The following IFT52 variants were observed in gnomAD, a reference collection of about 807,000 sequenced individuals.
IFT52 encodes intraflagellar transport protein 52 homolog.
In IFT52, 44 loss-of-function variants were observed where a neutral mutation model predicts 54.4. The ratio of observed to expected loss-of-function variants is 0.81; its 90% CI spans 0.63 to 1.04. The LOEUF is 1.04. IFT52 is among the 50% of genes least tolerant of loss of function. The pLI, the probability that IFT52 is intolerant of heterozygous loss-of-function variation, is 0.00. For synonymous variants in IFT52, 181 were observed against 185.3 expected (o/e 0.98, Z 0.19); for missense variants, 452 against 523.6 (o/e 0.86, Z 1.33).
intron 6 of IFT52, among the ~76,000 whole-genome samples, chr20:43,612,539 A>G (rs934516265): frequency 6.6e-6 from 1 of 152,064 alleles, no homozygotes; most frequent in African/African-American, 2.4e-5. Context: ...CAAAAAATAT[A>G]AAAATTAGTA....
In IFT52 at chr20:43,647,053, C is replaced by A; in HGVS notation, c.*70C>A. The A allele has an allele frequency of 7.4e-7, 1 of 1,356,604 alleles. No homozygotes were observed. The highest frequency in any genetic ancestry group is 1.1e-6 in the Non-Finnish European group (1 of 946,706). The allele number at this position is 1,356,604 out of a possible 1,614,324, so 84.0% of individuals were successfully genotyped here. ...TGTAAACTATTTTCAAATTGTTTTT[C>A]AACTCCTTATCAAAATTGTTTATAC... On this transcript the variant is annotated 3_prime_UTR_variant, in exon 14 of 14. Transcript: ENST00000373030.
chr20:43,611,078 G>C (rs1983409081), intron 6 of IFT52, among the ~76,000 whole-genome samples: 1 of 152,206 alleles, frequency 6.6e-6, no homozygotes, highest in Non-Finnish European at 1.5e-5. Context: ...AATATGTCTA[G>C]TTGTTCCTTT....
chr20:43,636,982 T>C (rs1011465239), intron 11 of IFT52, among the ~76,000 whole-genome samples, 163 bp from the exon 12 acceptor site: 1 of 152,194 alleles, frequency 6.6e-6, no homozygotes, highest in African/African-American at 2.4e-5. Context: ...GGGGTTTCCA[T>C]GTGGTGTGGT....
chr20:43,643,487 A>G lies in IFT52; in HGVS notation c.1266+863A>G, dbSNP rs1214360839. Among the ~76,000 whole-genome samples the G allele has an allele frequency of 1.1e-4, 6 of 56,536 alleles. 3 individuals carry two copies. The highest frequency in any genetic ancestry group is 2.5e-4 in the Non-Finnish European group (6 of 23,736). The allele number at this position is 56,536 out of a possible 152,430, so 37.1% of individuals were successfully genotyped here. Reference sequence around the variant, plus strand: ...GGTAAGAGAGTGAGACTCTGTCTCAAAAAAAAAACAAAAAAATAGAGCTGG... The same window carrying G: ...GGTAAGAGAGTGAGACTCTGTCTCAGAAAAAAAACAAAAAAATAGAGCTGG... On this transcript the variant is annotated intron_variant, in intron 13 of 13. Coordinates refer to ENST00000373030, the MANE Select transcript of IFT52 (RefSeq NM_016004.5).
At chr20:43,612,284 G>A (rs1180173396) in intron 6 of IFT52, among the ~76,000 whole-genome samples, 3 of 152,098 alleles carry the variant, frequency 2.0e-5, no homozygotes, top group Non-Finnish European at 2.9e-5. Flanking sequence ...TACTGCTGGA[G>A]TAAGGGTAGA....
intron 12 of IFT52, among the ~76,000 whole-genome samples, chr20:43,641,536 C>T (rs1281362027): frequency 1.3e-5 from 2 of 151,788 alleles, no homozygotes; most frequent in Non-Finnish European, 2.9e-5. Context: ...CCACGTCCCC[C>T]AGGCTGGAGT....
intron 12 of IFT52, 96 bp downstream of exon 12, chr20:43,637,349 G>GTC: frequency 3.4e-6 from 2 of 592,178 alleles, no homozygotes; most frequent in Non-Finnish European, 5.8e-6. Flanking sequence ...TGCAACCTCT[G>GTC]TCTCCCAGGT....
intron 10 of IFT52, among the ~76,000 whole-genome samples, chr20:43,629,122 G>A (rs1002114877): frequency 1.3e-5 from 2 of 152,152 alleles, no homozygotes; most frequent in African/African-American, 4.8e-5. Flanking sequence ...TAAAGAGGAA[G>A]GGGCAATATC....
rs1447834298 is a variant in IFT52, at chr20:43,598,226, A to G, written c.207+1704A>G. 2.0e-5 allele frequency among the ~76,000 whole-genome samples: 3 copies of G among 152,328 alleles called. No homozygotes were observed. In the East Asian group the frequency reaches 5.8e-4, roughly 29 times the overall value. Reference sequence around the variant, plus strand: ...ACTGTATGATTTCACTTATGCAAGCATGAGGTACGTAGAGTAGTCGAATTC... The same window carrying G: ...ACTGTATGATTTCACTTATGCAAGCGTGAGGTACGTAGAGTAGTCGAATTC... On this transcript the variant is annotated intron_variant, in intron 3 of 13. Coordinates refer to ENST00000373030, the MANE Select transcript of IFT52 (RefSeq NM_016004.5).
intron 12 of IFT52, among the ~76,000 whole-genome samples, chr20:43,640,192 C>T (rs193038855): frequency 6.6e-5 from 10 of 152,134 alleles, no homozygotes; most frequent in African/African-American, 1.9e-4. Flanking sequence ...CGCAGTGGCT[C>T]ATGCCTGTAA....
At chr20:43,628,678 C>G (rs1984928549) in intron 10 of IFT52, among the ~76,000 whole-genome samples, 1 of 152,136 alleles carries the variant, frequency 6.6e-6, no homozygotes, top group South Asian at 2.1e-4. Context: ...TGGTGAAACC[C>G]TGTCTCTACT....
rs199705726 is a variant in IFT52, at chr20:43,622,767, A to ATTT, written c.769-1122_769-1121insTTT. On this transcript the variant is annotated intron_variant, in intron 9 of 13. Transcript: ENST00000373030. ...TTTATGTAAATATAAATATATACAA[A>ATTT]TTGTGTGTAAATATAAATATATACA... Among the ~76,000 whole-genome samples the ATTT allele has an allele frequency of 1.1e-3, 134 of 120,706 alleles. 2 individuals are homozygous for ATTT. Among genetic ancestry groups the ATTT allele is most frequent in the African/African-American group, 2.9e-3 (89 of 30,734 alleles). 79.2% of individuals were successfully genotyped at this position (120,706 alleles called of 152,430 possible).
intron 11 of IFT52, among the ~76,000 whole-genome samples, chr20:43,636,647 C>G (rs1985558448): frequency 6.6e-6 from 1 of 152,210 alleles, no homozygotes; most frequent in Non-Finnish European, 1.5e-5. Context: ...CAAAATGTGA[C>G]TCCAGGTTCA....
intron 3 of IFT52, among the ~76,000 whole-genome samples, chr20:43,600,931 A>G (rs1982393148): frequency 6.6e-6 from 1 of 152,132 alleles, no homozygotes; most frequent in Non-Finnish European, 1.5e-5. Flanking sequence ...AGATCGAGCC[A>G]CTGCAGCATG....
chr20:43,629,417 C>T (rs574980805), intron 10 of IFT52, among the ~76,000 whole-genome samples: 42 of 152,252 alleles, frequency 2.8e-4, no homozygotes, highest in African/African-American at 1.0e-3. Flanking sequence ...GGACAACAGG[C>T]GCCTGCCACC....
chr20:43,605,040 T>C lies in IFT52; in HGVS notation c.452T>C (p.Ile151Thr). ...SRAAGKAVPG[I>T]IDEESSGNNA... ...GCTGCAGGAAAGGCTGTGCCTGGGATCATTGATGAGGAAAGCAGTGGAAAC... is the reference window on the plus strand; with the variant it reads ...GCTGCAGGAAAGGCTGTGCCTGGGACCATTGATGAGGAAAGCAGTGGAAAC... The change falls in exon 6 of 14, where the codon ATC becomes ACC. Residue 151 changes from isoleucine to threonine, a missense_variant. Transcript: ENST00000373030. 6.2e-7 allele frequency: 1 copy of C among 1,613,738 alleles called. No individual in the cohort carries two copies. The highest frequency in any genetic ancestry group is 8.5e-7 in the Non-Finnish European group (1 of 1,179,858).
chr20:43,591,219 C>T (rs1981484893), intron 1 of IFT52, among the ~76,000 whole-genome samples, 165 bp downstream of exon 1: 1 of 152,180 alleles, frequency 6.6e-6, no homozygotes, highest in African/African-American at 2.4e-5. Context: ...GTTCCTGGCG[C>T]CCCGGCTGGG....
At chr20:43,628,870 C>T (rs754719013) in intron 10 of IFT52, among the ~76,000 whole-genome samples, 11 of 149,158 alleles carry the variant, frequency 7.4e-5, no homozygotes, top group Non-Finnish European at 1.3e-4. Context: ...AAAAAAATTG[C>T]CAAAGAGATA....
At chr20:43,604,116 G>A (rs1982667841) in intron 4 of IFT52, 67 bp from the exon 5 acceptor site, 4 of 1,322,690 alleles carry the variant, frequency 3.0e-6, no homozygotes, top group Non-Finnish European at 4.4e-6. Flanking sequence ...GTCAAAATTG[G>A]TATGAGTCTA....
Sources: gnomAD v4.1 joint callset for allele counts (sites outside exome capture counted in the v4.1 genomes callset) on GRCh38, gnomAD v4.1.1 for gene constraint, MANE v1.5 for transcripts, NCBI Gene and HGNC (gene_info 2026-07-23, HGNC 2026-07-21) for gene names.